Variants in LOC400499 observed in about 807,000 individuals in gnomAD.
the LOC400499 span, chr16:11,435,735 G>C: frequency 5.0e-6 from 2 of 399,286 alleles, no homozygotes; most frequent in East Asian, 3.6e-5. Flanking sequence ...TGGTGGAGAA[G>C]GACACTCACA....
At chr16:11,508,811 G>A in the LOC400499 span, 2 of 398,992 alleles carry the variant, frequency 5.0e-6, no homozygotes, top group East Asian at 7.1e-5. Context: ...CACTCATACA[G>A]CAGGCTGCTT....
At chr16:11,500,831 G>C in the LOC400499 span, 1 of 399,120 alleles carries the variant, frequency 2.5e-6, no homozygotes, top group Non-Finnish European at 4.4e-6. Flanking sequence ...TAGCATCTGT[G>C]GGCTGTGGGA....
the LOC400499 span, chr16:11,411,285 G>C: frequency 1.5e-5 from 6 of 399,312 alleles, no homozygotes; most frequent in African/African-American, 1.2e-4. Flanking sequence ...AGAGACCCAG[G>C]AGGAAGGGGA....
chr16:11,486,933 GATGGGTGGGTGGATCAATGGATA>G, the LOC400499 span, among the ~76,000 whole-genome samples: 1 of 134,244 alleles, frequency 7.4e-6, no homozygotes, highest in Non-Finnish European at 1.6e-5. Context: ...ATGAATGGAT[GATGGGTGGGTGGATCAATGGATA>G]ATGGGTGGGT....
the LOC400499 span, chr16:11,385,106 G>C: frequency 8.1e-7 from 1 of 1,231,710 alleles, no homozygotes; most frequent in Admixed American, 4.2e-5. Context: ...CTGACCCACA[G>C]CCAGGTGACA....
chr16:11,398,139 C>T, the LOC400499 span, among the ~76,000 whole-genome samples: 1 of 152,178 alleles, frequency 6.6e-6, no homozygotes, highest in Admixed American at 6.5e-5. Flanking sequence ...CGTCCTGGAA[C>T]CTGCTGCTCC....
chr16:11,404,639 G>A, the LOC400499 span: 9 of 398,584 alleles, frequency 2.3e-5, no homozygotes, highest in Admixed American at 4.4e-5. Flanking sequence ...GAGCCACCGC[G>A]CCTGGCCAGG....
chr16:11,411,386 C>G, the LOC400499 span: 1 of 399,100 alleles, frequency 2.5e-6, no homozygotes, highest in East Asian at 3.6e-5. Context: ...TCCAGTGCCC[C>G]CAGGGCCATG....
chr16:11,476,833 A>T, the LOC400499 span: 1 of 399,232 alleles, frequency 2.5e-6, no homozygotes, highest in African/African-American at 2.1e-5. Flanking sequence ...GCCCTTCTGC[A>T]CCTGGATCCC....
chr16:11,393,366 G>C, the LOC400499 span: 1 of 1,231,372 alleles, frequency 8.1e-7, no homozygotes, highest in Non-Finnish European at 1.0e-6. Context: ...CCAGCTAGCT[G>C]AGCTGGGACC....
At chr16:11,443,512 T>C in the LOC400499 span, 2 of 152,810 alleles carry the variant, frequency 1.3e-5, no homozygotes, top group South Asian at 5.0e-5. Flanking sequence ...AGAGAAACAA[T>C]GACTATCTTC....
chr16:11,392,917 G>A, the LOC400499 span: 355 of 521,550 alleles, frequency 6.8e-4, 3 homozygotes, highest in Admixed American at 1.5e-3. Context: ...GTGGTGACAC[G>A]ATCTCGGCTC....
chr16:11,461,061 C>G, the LOC400499 span: 1 of 1,536,146 alleles, frequency 6.5e-7, no homozygotes, highest in African/African-American at 1.4e-5. Flanking sequence ...CTGGCACAAA[C>G]AGCTCGGCAC....
At chr16:11,419,740 C>A in the LOC400499 span, among the ~76,000 whole-genome samples, 52 of 151,928 alleles carry the variant, frequency 3.4e-4, no homozygotes, top group African/African-American at 1.1e-3. Context: ...ACAATGAACT[C>A]AAATTTACAA....
the LOC400499 span, among the ~76,000 whole-genome samples, chr16:11,439,337 G>A: frequency 3.9e-5 from 6 of 152,114 alleles, no homozygotes; most frequent in Non-Finnish European, 1.5e-5. Flanking sequence ...ATTCTACAGG[G>A]CTGTTTGGCT....
the LOC400499 span, among the ~76,000 whole-genome samples, chr16:11,482,028 T>A: frequency 6.6e-6 from 1 of 152,182 alleles, no homozygotes; most frequent in Non-Finnish European, 1.5e-5. Context: ...ATATAAAGTT[T>A]ACAAAAGGAA....
At chr16:11,418,464 G>A in the LOC400499 span, among the ~76,000 whole-genome samples, 1 of 152,192 alleles carries the variant, frequency 6.6e-6, no homozygotes, top group Non-Finnish European at 1.5e-5. Flanking sequence ...CGTCCTCACT[G>A]CTACACTCCC....
chr16:11,397,090 T>C, the LOC400499 span, among the ~76,000 whole-genome samples: 1 of 152,196 alleles, frequency 6.6e-6, no homozygotes, highest in Non-Finnish European at 1.5e-5. Context: ...TGTATCGTCC[T>C]GGCCCCACTG....
At chr16:11,391,831 C>A in the LOC400499 span, 1 of 1,232,212 alleles carries the variant, frequency 8.1e-7, no homozygotes, top group Non-Finnish European at 1.0e-6. Flanking sequence ...AGGAGGCCTG[C>A]CACGCCGTCC....
Sources: gnomAD v4.1 joint callset for allele counts (sites outside exome capture counted in the v4.1 genomes callset) on GRCh38, gnomAD v4.1.1 for gene constraint, MANE v1.5 for transcripts.